Variants in DMXL1 observed in about 807,000 individuals in gnomAD.
DMXL1 encodes Dmx like 1, also known as dmX-like protein 1.
A neutral mutation model predicts 319.2 loss-of-function variants in DMXL1; 99 were observed. The observed-to-expected ratio is 0.31, with a 90% confidence interval of 0.26 to 0.37. The LOEUF (loss-of-function observed/expected upper bound fraction) is 0.37. Ranked by LOEUF, DMXL1 falls within the 10% of genes least tolerant of loss-of-function variation. The probability of loss-of-function intolerance (pLI) is 1.00; values close to 1 mark genes in which losing one functional copy is unlikely to be tolerated. For missense variants in DMXL1, 3,745 were observed against 3,595.6 expected (o/e 1.04, Z -1.06); for synonymous variants, 1,385 against 1,235.2 (o/e 1.12, Z -2.54).
chr5:119,173,351 C>CAAAA lies in DMXL1; in HGVS notation c.6681+1395_6681+1398dup, dbSNP rs1251810129. Among the ~76,000 whole-genome samples, 4 of 76,742 alleles carry CAAAA rather than the reference C, an allele frequency of 5.2e-5. No individual in the cohort carries two copies. In the South Asian group the frequency reaches 1.2e-3, roughly 24 times the overall value. 50.3% of individuals were successfully genotyped at this position (76,742 alleles called of 152,430 possible). A position where few individuals can be genotyped will look rare whatever the true frequency, so the allele number is the denominator to read the frequency against. On this transcript the variant is annotated intron_variant, in intron 25 of 43. Transcript: ENST00000539542. ...GCAAAACTCCGCGCCCACCCCCCGC[C>CAAAA]AAAAAAAAAAAAAAAACTGTCCTGA...
At chr5:119,223,659 G>A (rs932123912) in intron 37 of DMXL1, among the ~76,000 whole-genome samples, 1 of 152,008 alleles carries the variant, frequency 6.6e-6, no homozygotes, top group African/African-American at 2.4e-5. Context: ...AGTAGAATAA[G>A]GTTGTTCTTT....
chr5:119,186,117 T>C (rs1178295365), intron 28 of DMXL1, among the ~76,000 whole-genome samples: 2 of 152,208 alleles, frequency 1.3e-5, no homozygotes, highest in African/African-American at 4.8e-5. Flanking sequence ...ATCTTTTCCA[T>C]ATTTGGGGGG....
At chr5:119,110,116 C>T in intron 4 of DMXL1, 35 bp from the exon 5 acceptor site, 1 of 1,545,506 alleles carries the variant, frequency 6.5e-7, no homozygotes, top group Non-Finnish European at 8.7e-7. Context: ...CTATTAAATA[C>T]CTAAATAATA....
intron 37 of DMXL1, among the ~76,000 whole-genome samples, chr5:119,222,851 C>G (rs1784877226): frequency 6.6e-6 from 1 of 152,004 alleles, no homozygotes; most frequent in Non-Finnish European, 1.5e-5. Context: ...ATGGTTATGT[C>G]AGGAGCCCTT....
At chr5:119,071,868 A>C (rs568440158) in intron 1 of DMXL1, among the ~76,000 whole-genome samples, 43 of 152,142 alleles carry the variant, frequency 2.8e-4, no homozygotes, top group Non-Finnish European at 5.9e-4. Context: ...AACTCAAGTT[A>C]GAATATTTTG....
intron 34 of DMXL1, among the ~76,000 whole-genome samples, chr5:119,207,759 T>C (rs1215065772): frequency 6.6e-6 from 1 of 152,140 alleles, no homozygotes; most frequent in Non-Finnish European, 1.5e-5. Context: ...TGACCTCAGG[T>C]GATCCACCTG....
chr5:119,170,870 CA>C lies in DMXL1; in HGVS notation c.6080del (p.Gln2027ArgfsTer2), dbSNP rs751775977. ...LNPSEDIIAV[Q>X]LKFRACLKIL... The stretch of plus-strand genomic sequence containing the variant: ...TCCATCAGAAGATATAATTGCAGTT[CA>C]GTTAAAATTTAGAGCATGTTTAAAG... On this transcript the variant is annotated frameshift_variant, in exon 24 of 44. Coordinates refer to ENST00000539542, the MANE Select transcript of DMXL1 (RefSeq NM_001290321.3). LOFTEE classifies it high-confidence loss of function. 6.2e-7 allele frequency: 1 copy of C among 1,612,074 alleles called. No homozygotes were observed. Among genetic ancestry groups the C allele is most frequent in the East Asian group, 2.2e-5 (1 of 44,824 alleles).
chr5:119,152,142 T>G, intron 19 of DMXL1, 106 bp downstream of exon 19: 3 of 667,710 alleles, frequency 4.5e-6, no homozygotes, highest in South Asian at 2.1e-5. Context: ...GATGACATAT[T>G]TAACATATTT....
chr5:119,223,986 G>C (rs1459731176), intron 37 of DMXL1, among the ~76,000 whole-genome samples: 1 of 151,942 alleles, frequency 6.6e-6, no homozygotes, highest in Non-Finnish European at 1.5e-5. Flanking sequence ...ATTATGACCA[G>C]CTTCTGCTAT....
At chr5:119,118,748 A>G (rs772679787) in intron 7 of DMXL1, 67 bp from the exon 8 acceptor site, 19 of 1,225,440 alleles carry the variant, frequency 1.6e-5, no homozygotes, top group Non-Finnish European at 2.1e-5. Flanking sequence ...TTACAGAAAC[A>G]TCGTAGAATT....
intron 1 of DMXL1, among the ~76,000 whole-genome samples, chr5:119,091,682 G>T (rs983188004): frequency 1.3e-5 from 2 of 152,112 alleles, no homozygotes; most frequent in South Asian, 4.1e-4. Context: ...GTTCACCTTG[G>T]CTCTAGTAAA....
chr5:119,130,461 G>T (rs766240280), intron 10 of DMXL1, among the ~76,000 whole-genome samples: 7 of 151,982 alleles, frequency 4.6e-5, no homozygotes, highest in Non-Finnish European at 8.8e-5. Flanking sequence ...TCCTGCCTCA[G>T]CCTCCCGAGT....
chr5:119,161,761 G>A (rs1461253069), intron 19 of DMXL1, among the ~76,000 whole-genome samples: 8 of 152,304 alleles, frequency 5.3e-5, no homozygotes, highest in South Asian at 2.1e-4. Context: ...GGGCTCTGAG[G>A]CTGGTTGTGG....
chr5:119,233,547 G>T (rs547615485), intron 39 of DMXL1, 80 bp downstream of exon 39: 61 of 1,189,790 alleles, frequency 5.1e-5, no homozygotes, highest in Non-Finnish European at 7.0e-5. Context: ...TTTCTGAAAA[G>T]AACAGCTCCG....
chr5:119,075,035 TC>T (rs1259044277), intron 1 of DMXL1, among the ~76,000 whole-genome samples: 2 of 152,150 alleles, frequency 1.3e-5, no homozygotes, highest in Non-Finnish European at 2.9e-5. Context: ...TGTAAAACTC[TC>T]AAAAATGTCA....
chr5:119,227,024 C>T (rs1785709363), intron 38 of DMXL1, among the ~76,000 whole-genome samples: 1 of 152,148 alleles, frequency 6.6e-6, no homozygotes, highest in Admixed American at 6.6e-5. Flanking sequence ...CTCCAGCTCC[C>T]TTTCCCACCC....
intron 1 of DMXL1, 143 bp from the exon 2 acceptor site, chr5:119,097,836 A>ATT (rs748470667): frequency 2.0e-5 from 14 of 707,276 alleles, no homozygotes; most frequent in Admixed American, 1.4e-4. Flanking sequence ...CCAAATGTAG[A>ATT]TTTTTTTTTT....
intron 38 of DMXL1, among the ~76,000 whole-genome samples, chr5:119,231,405 G>A (rs1280458121): frequency 6.6e-6 from 1 of 152,090 alleles, no homozygotes; most frequent in Non-Finnish European, 1.5e-5. Context: ...GGTTCAGTCT[G>A]ACTTCTAGAC....
At chr5:119,198,922 T>A (rs758936790) in intron 32 of DMXL1, among the ~76,000 whole-genome samples, 37 of 152,194 alleles carry the variant, frequency 2.4e-4, no homozygotes, top group Middle Eastern at 3.2e-3. Flanking sequence ...AGTCTTGCTC[T>A]ATTAATCAGG....
Sources: allele counts gnomAD v4.1 joint callset (sites outside exome capture counted in the v4.1 genomes callset), GRCh38; gene constraint gnomAD v4.1.1; transcripts MANE v1.5; gene names NCBI Gene and HGNC (gene_info 2026-07-23, HGNC 2026-07-21).